Variants in WIPF2 observed in about 807,000 individuals in gnomAD.
WIPF2 encodes WAS/WASL-interacting protein family member 2.
Under a neutral mutation model 38.8 loss-of-function variants are expected in WIPF2, and 23 were observed. The observed-to-expected ratio is 0.59, with a 90% CI of 0.43 to 0.84. The LOEUF is 0.84. WIPF2 is among the 40% of genes least tolerant of loss of function. The pLI, the probability that WIPF2 is intolerant of heterozygous loss-of-function variation, is 0.00. For missense variants in WIPF2, 574 were observed against 580.5 expected, an observed-to-expected ratio of 0.99 and a Z score of 0.11; for synonymous variants, 210 against 223.2, an observed-to-expected ratio of 0.94 and a Z score of 0.53.
chr17:40,223,876 C>T (rs1271028020), intron 1 of WIPF2, among the ~76,000 whole-genome samples: 1 of 151,886 alleles, frequency 6.6e-6, no homozygotes, highest in Non-Finnish European at 1.5e-5. Context: ...TGAGCCACCG[C>T]GCCCGGCCCG....
intron 7 of WIPF2, among the ~76,000 whole-genome samples, chr17:40,277,635 C>T (rs968631401): frequency 2.0e-5 from 3 of 151,108 alleles, no homozygotes; most frequent in African/African-American, 4.9e-5. Flanking sequence ...GAGCCAAGAT[C>T]ACGCTACTGT....
chr17:40,269,373 T>C (rs964764893), intron 5 of WIPF2, among the ~76,000 whole-genome samples: 2 of 150,918 alleles, frequency 1.3e-5, no homozygotes, highest in African/African-American at 4.9e-5. Context: ...TAGCCAGGCG[T>C]GGTAGCGTGT....
At chr17:40,243,649 G>A (rs777420476) in intron 1 of WIPF2, among the ~76,000 whole-genome samples, 10 of 151,786 alleles carry the variant, frequency 6.6e-5, no homozygotes, top group Non-Finnish European at 1.0e-4. Flanking sequence ...GAGTAGCTGG[G>A]ATTACAGGCA....
chr17:40,274,151 A>G (rs1180011566), intron 6 of WIPF2, 152 bp downstream of exon 6: 2 of 596,670 alleles, frequency 3.4e-6, no homozygotes, highest in Non-Finnish European at 5.6e-6. Flanking sequence ...CCTCAGAGGT[A>G]TGGGCTGTGT....
rs528401568 is a variant in WIPF2 at position 40,277,723 on chromosome 17, C to CTTTTTTTTTTT, written c.1283-453_1283-443dup. Among the ~76,000 whole-genome samples the CTTTTTTTTTTT allele has an allele frequency of 3.7e-4, 36 of 97,608 alleles. 3 individuals are homozygous for CTTTTTTTTTTT. The highest frequency in any genetic ancestry group is 1.4e-3 in the African/African-American group (26 of 17,934). The allele number at this position is 97,608 out of a possible 152,430, so 64.0% of individuals were successfully genotyped here. A position where few individuals can be genotyped will look rare whatever the true frequency, so the allele number is the denominator to read the frequency against. ...ATTGCTTCTCATCATCTTCGTTGTC[C>CTTTTTTTTTTT]TTTTTTTTTTTTTTTTTTTGAGATA... is the stretch of plus-strand genomic sequence containing the variant. On this transcript the variant is annotated intron_variant, in intron 7 of 7. Coordinates refer to ENST00000323571, the MANE Select transcript of WIPF2 (RefSeq NM_133264.5).
Position 40,264,954 on chromosome 17 carries a change from G to C in WIPF2, c.778G>C (p.Gly260Arg). 1 of 1,614,094 alleles carries C rather than the reference G, an allele frequency of 6.2e-7. No individual in the cohort carries two copies. Among genetic ancestry groups the C allele is most frequent in the Non-Finnish European group, 8.5e-7 (1 of 1,179,998 alleles). Residue 260 changes from glycine to arginine, a missense_variant, in exon 5 of 8, where the codon GGG becomes CGG. By Grantham distance (125) the Gly-to-Arg change is moderately radical. Transcript: ENST00000323571. ...TCCTCCGCCTTACCGCCAGCCTCCT[G>C]GGGTCCCCAATGGACCCTCTAGCCC... The part of the protein sequence containing the change: ...PPPPPYRQPP[G>R]VPNGPSSPTN...
chr17:40,283,258 T>A lies in WIPF2; in HGVS notation c.*5033T>A, dbSNP rs8077940. 7.4e-3 allele frequency: 1,120 copies of A among 151,446 alleles called. 7 individuals carry two copies. The highest frequency in any genetic ancestry group is 0.01 in the Middle Eastern group (3 of 294). The allele number at this position is 151,446 out of a possible 1,614,324, so 9.4% of individuals were successfully genotyped here. A position where few individuals can be genotyped will look rare whatever the true frequency, so the allele number is the denominator to read the frequency against. Reference sequence around the variant, plus strand: ...TCCTTATTTTATTATTATTATTATTTTTTTTTGAGACAGGATGTTGCTGTC... The same window carrying A: ...TCCTTATTTTATTATTATTATTATTATTTTTTGAGACAGGATGTTGCTGTC... On this transcript the variant is annotated 3_prime_UTR_variant, in exon 8 of 8. Coordinates refer to ENST00000323571, the MANE Select transcript of WIPF2 (RefSeq NM_133264.5).
At position 40,219,502 on chromosome 17, in the gene WIPF2, A is replaced by T. The variant is rs900041226; in HGVS notation, c.-70+10A>T. The T allele has an allele frequency of 6.9e-6, 1 of 144,974 alleles. No homozygotes were observed. Among genetic ancestry groups the T allele is most frequent in the African/African-American group, 2.8e-5 (1 of 36,206 alleles). The allele number at this position is 144,974 out of a possible 1,614,324, so 9.0% of individuals were successfully genotyped here. ...GAGCAGCTGCGGCCAGGTCGGAAAG[A>T]GGCCGGGGCGGCTGGGTCAGTCGCT... On this transcript the variant is annotated intron_variant, in intron 1 of 7. Coordinates refer to ENST00000323571, the MANE Select transcript of WIPF2 (RefSeq NM_133264.5).
intron 5 of WIPF2, among the ~76,000 whole-genome samples, chr17:40,272,669 G>A (rs528400975): frequency 6.6e-6 from 1 of 152,272 alleles, no homozygotes; most frequent in Admixed American, 6.5e-5. Context: ...GGAGGATTTG[G>A]TAGTAAGGGA....
At chr17:40,255,905 CA>C (rs1197466719) in intron 1 of WIPF2, among the ~76,000 whole-genome samples, 3 of 151,448 alleles carry the variant, frequency 2.0e-5, no homozygotes, top group Non-Finnish European at 4.4e-5. Flanking sequence ...GGATTACAGG[CA>C]TGAGCCACCG....
At chr17:40,237,628 GT>G (rs1308749735) in intron 1 of WIPF2, among the ~76,000 whole-genome samples, 2 of 150,830 alleles carry the variant, frequency 1.3e-5, no homozygotes, top group African/African-American at 4.9e-5. Context: ...CCTGTTATCA[GT>G]TTGTTTAATT....
intron 1 of WIPF2, among the ~76,000 whole-genome samples, chr17:40,243,649 G>C (rs777420476): frequency 2.6e-5 from 4 of 151,786 alleles, no homozygotes; most frequent in Non-Finnish European, 2.9e-5. Flanking sequence ...GAGTAGCTGG[G>C]ATTACAGGCA....
chr17:40,237,582 T>G (rs1394742438), intron 1 of WIPF2, among the ~76,000 whole-genome samples: 1 of 151,952 alleles, frequency 6.6e-6, no homozygotes, highest in Non-Finnish European at 1.5e-5. Flanking sequence ...TGAGATTTCC[T>G]TAGCTGTTCT....
At chr17:40,276,383 C>T (rs762983222) in intron 6 of WIPF2, among the ~76,000 whole-genome samples, 28 of 151,848 alleles carry the variant, frequency 1.8e-4, no homozygotes, top group Middle Eastern at 3.4e-3. Flanking sequence ...CAAAAATTAG[C>T]CAGGTGTGGT....
chr17:40,258,097 G>T (rs4566234), intron 2 of WIPF2, among the ~76,000 whole-genome samples: 21,645 of 152,198 alleles, frequency 0.14, 1,618 homozygotes, highest in East Asian at 0.3. Flanking sequence ...ATAAATGAAG[G>T]AGATAAAAGC....
intron 5 of WIPF2, among the ~76,000 whole-genome samples, chr17:40,265,865 G>A (rs1350348238): frequency 1.3e-5 from 2 of 152,198 alleles, no homozygotes; most frequent in East Asian, 1.9e-4. Flanking sequence ...GGACAAAGGT[G>A]ACAAAAGGAG....
At chr17:40,272,062 C>T (rs1000100781) in intron 5 of WIPF2, among the ~76,000 whole-genome samples, 1 of 151,488 alleles carries the variant, frequency 6.6e-6, no homozygotes, top group Non-Finnish European at 1.5e-5. Context: ...TCTTGTTGCC[C>T]AGGCTGGAGT....
chr17:40,264,208 C>G (rs1170912293), intron 4 of WIPF2, among the ~76,000 whole-genome samples: 1 of 151,184 alleles, frequency 6.6e-6, no homozygotes, highest in African/African-American at 2.4e-5. Flanking sequence ...TGGCGCACAC[C>G]TGTAATCCCA....
chr17:40,263,321 T>C (rs1598492290), intron 4 of WIPF2, among the ~76,000 whole-genome samples: 1 of 152,080 alleles, frequency 6.6e-6, no homozygotes, highest in Non-Finnish European at 1.5e-5. Flanking sequence ...CGGTTCACAA[T>C]GGGGTTCGCC....
Sources: allele counts gnomAD v4.1 joint callset (sites outside exome capture counted in the v4.1 genomes callset), GRCh38; gene constraint gnomAD v4.1.1; transcripts MANE v1.5; gene names NCBI Gene and HGNC (gene_info 2026-07-23, HGNC 2026-07-21).